USP50: variants seen among roughly 807,000 people sequenced by gnomAD.
USP50 encodes the protein ubiquitin carboxyl-terminal hydrolase 50.
In USP50, 37 loss-of-function variants were observed where a neutral mutation model predicts 39.2. That is an observed-to-expected ratio of 0.94 (90% CI 0.73 to 1.24). The LOEUF is 1.24. Ranked by LOEUF, USP50 falls within the 50% of genes most tolerant of loss-of-function variation. The pLI is 0.00. For missense variants in USP50, 374 were observed against 398.2 expected (o/e 0.94, Z 0.52); for synonymous variants, 139 against 144.5 (o/e 0.96, Z 0.27).
chr15:50,493,315 ATAAG>A (rs2052250533), downstream of USP50: 1 of 520,286 alleles, frequency 1.9e-6, no homozygotes, highest in South Asian at 1.4e-5. Context: ...TAACCTATGA[ATAAG>A]TAAGCATTTT....
At chr15:50,535,698 G>A (rs980686418) in intron 5 of USP50, among the ~76,000 whole-genome samples, 11 of 152,104 alleles carry the variant, frequency 7.2e-5, no homozygotes, top group African/African-American at 2.7e-4. Context: ...AGAATCTCTT[G>A]AGCCCAGGAG....
At chr15:50,522,368 A>G (rs969308021) in intron 6 of USP50, among the ~76,000 whole-genome samples, 1 of 152,198 alleles carries the variant, frequency 6.6e-6, no homozygotes, top group Non-Finnish European at 1.5e-5. Flanking sequence ...GTTGCAGAAT[A>G]GATCAATTAC....
chr15:50,493,979 A>ATAAT, downstream of USP50: 1 of 1,400,364 alleles, frequency 7.1e-7, no homozygotes, highest in East Asian at 2.3e-5. Flanking sequence ...CAGTATGTGA[A>ATAAT]TAATTTCATG....
At chr15:50,500,946 T>TA in intron 6 of USP50, 109 bp from the exon 7 acceptor site, 1 of 919,048 alleles carries the variant, frequency 1.1e-6, no homozygotes. Flanking sequence ...TATTCTAAAT[T>TA]AAAAGGAAGT....
chr15:50,532,001 C>A, intron 5 of USP50: 1 of 396,470 alleles, frequency 2.5e-6, no homozygotes, highest in South Asian at 1.8e-5. Context: ...CATAGAGAAT[C>A]ACAGACTTAC....
rs36075468 is a variant in USP50, at chr15:50,519,716, T to TAA, written c.936+10079_936+10080dup. Reference sequence around the variant, plus strand: ...GGCAAAAGAGCGAGACTCCGTCTCTTAAAAAAAAAAAGCCACCCTGAAATA... The same window carrying TAA: ...GGCAAAAGAGCGAGACTCCGTCTCTTAAAAAAAAAAAAAGCCACCCTGAAATA... On this transcript the variant is annotated intron_variant, in intron 6 of 6. Transcript: ENST00000532404. Among the ~76,000 whole-genome samples, 76 of 142,052 alleles carry TAA rather than the reference T, an allele frequency of 5.4e-4. No homozygotes were observed. The East Asian group carries it at 0.015, about 28-fold the overall frequency. 93.2% of individuals were successfully genotyped at this position (142,052 alleles called of 152,430 possible).
intron 6 of USP50, chr15:50,509,231 G>A (rs1423166796): frequency 6.6e-6 from 1 of 151,990 alleles, no homozygotes; most frequent in East Asian, 1.9e-4. Context: ...GTGGGAGGAT[G>A]GCTCGAGCCT....
At chr15:50,493,442 A>G (rs753371456), downstream of USP50, 38 of 518,970 alleles carry the variant, frequency 7.3e-5, no homozygotes, top group East Asian at 1.7e-3. Flanking sequence ...AGGAAAGGGG[A>G]AAATATCTTT....
At position 50,500,671 on chromosome 15, in the gene USP50, G is replaced by T; in HGVS notation, c.*98C>A. On this transcript the variant is annotated 3_prime_UTR_variant, in exon 7 of 7. Transcript: ENST00000532404. ...TCCTGGCTCTTAACGCTTTTGTATT[G>T]GTATGGAAAAGGGCTGGCAGCTATA... 1.7e-6 allele frequency: 2 copies of T among 1,174,442 alleles called. No individual in the cohort carries two copies. Among genetic ancestry groups the T allele is most frequent in the Non-Finnish European group, 1.2e-6 (1 of 809,474 alleles). 72.8% of individuals were successfully genotyped at this position (1,174,442 alleles called of 1,614,324 possible).
At chr15:50,505,699 C>T (rs1015660295) in intron 6 of USP50, 3 of 152,396 alleles carry the variant, frequency 2.0e-5, no homozygotes, top group African/African-American at 7.2e-5. Flanking sequence ...TGGTTCACAC[C>T]TGTAATCCCA....
At chr15:50,518,453 C>T (rs186016363) in intron 6 of USP50, among the ~76,000 whole-genome samples, 5 of 151,704 alleles carry the variant, frequency 3.3e-5, no homozygotes, top group Admixed American at 2.0e-4. Flanking sequence ...CCTCGTGATC[C>T]GCCCACCTCG....
At chr15:50,545,766 A>G (rs1399494930) in intron 1 of USP50, among the ~76,000 whole-genome samples, 1 of 151,924 alleles carries the variant, frequency 6.6e-6, no homozygotes, top group Non-Finnish European at 1.5e-5. Flanking sequence ...CTTAGTTTAA[A>G]TCCCAACTAT....
intron 6 of USP50, among the ~76,000 whole-genome samples, chr15:50,526,242 T>C (rs1022228302): frequency 2.0e-5 from 3 of 152,108 alleles, no homozygotes; most frequent in Non-Finnish European, 4.4e-5. Flanking sequence ...TATTTTTTTG[T>C]AGAGATGGGG....
At chr15:50,520,779 A>T (rs1596011628) in intron 6 of USP50, among the ~76,000 whole-genome samples, 1 of 152,194 alleles carries the variant, frequency 6.6e-6, no homozygotes, top group African/African-American at 2.4e-5. Context: ...GCCTAAAAAA[A>T]GTTCATCTCA....
intron 6 of USP50, among the ~76,000 whole-genome samples, chr15:50,522,821 T>C (rs1320919583): frequency 2.6e-5 from 4 of 152,292 alleles, no homozygotes; most frequent in East Asian, 3.9e-4. Flanking sequence ...AATTATTTTG[T>C]ATTTTTAGTA....
downstream of USP50, chr15:50,499,522 A>G (rs937293993): frequency 6.6e-6 from 1 of 152,616 alleles, no homozygotes; most frequent in African/African-American, 2.4e-5. Context: ...TTGCACATCA[A>G]ATCGATGTAC....
At chr15:50,542,807 C>T (rs942149061) in intron 3 of USP50, among the ~76,000 whole-genome samples, 1 of 152,060 alleles carries the variant, frequency 6.6e-6, no homozygotes, top group Non-Finnish European at 1.5e-5. Flanking sequence ...TTTTTTATTA[C>T]TCTAAATGAA....
intron 1 of USP50, chr15:50,494,195 A>G (rs764714215): frequency 7.4e-6 from 12 of 1,613,904 alleles, no homozygotes; most frequent in South Asian, 2.2e-5. Context: ...GGGAAGATCA[A>G]TGACCAGTTT....
downstream of USP50, chr15:50,496,066 A>C: frequency 6.2e-7 from 1 of 1,612,028 alleles, no homozygotes; most frequent in Non-Finnish European, 8.5e-7. Flanking sequence ...TAGCATCCAC[A>C]AGTAAATGTA....
Sources: gnomAD v4.1 joint callset for allele counts (sites outside exome capture counted in the v4.1 genomes callset) on GRCh38, gnomAD v4.1.1 for gene constraint, MANE v1.5 for transcripts, NCBI Gene and HGNC (gene_info 2026-07-23, HGNC 2026-07-21) for gene names.